The following GDAP1 variants were observed in gnomAD, a reference collection of about 807,000 sequenced individuals.
GDAP1 encodes the protein ganglioside-induced differentiation-associated protein 1.
GDAP1 carries 34 observed loss-of-function variants against 40.1 expected under a neutral mutation model. The ratio of observed to expected loss-of-function variants is 0.85; its 90% CI spans 0.64 to 1.13. The LOEUF is 1.13. Among genes scored for constraint, GDAP1 ranks in the 50% most tolerant of loss-of-function variants. The pLI is 0.00. For missense variants in GDAP1, 374 were observed against 433.7 expected (o/e 0.86, Z 1.22); for synonymous variants, 170 against 157.4 (o/e 1.08, Z -0.60).
At chr8:74,392,555 T>C (rs1028545563) in intron 2 of GDAP1, among the ~76,000 whole-genome samples, 9 of 152,234 alleles carry the variant, frequency 5.9e-5, no homozygotes, top group Non-Finnish European at 1.3e-4. Flanking sequence ...TATTTACTTT[T>C]ACCACATATT....
At chr8:74,352,708 A>G (rs566565761) in intron 2 of GDAP1, among the ~76,000 whole-genome samples, 1 of 152,336 alleles carries the variant, frequency 6.6e-6, no homozygotes, top group South Asian at 2.1e-4. Context: ...GCTATTCCTT[A>G]TAAATTTATA....
At chr8:74,368,901 A>G (rs182327880), downstream of GDAP1, among the ~76,000 whole-genome samples, 1 of 152,288 alleles carries the variant, frequency 6.6e-6, no homozygotes, top group East Asian at 1.9e-4. Context: ...ACAAATCAAA[A>G]TGTCTTTGGA....
At chr8:74,418,397 A>C (rs1805811830) in intron 2 of GDAP1, among the ~76,000 whole-genome samples, 1 of 152,224 alleles carries the variant, frequency 6.6e-6, no homozygotes, top group South Asian at 2.1e-4. Flanking sequence ...AAATATGGCC[A>C]ATTGATTTTT....
chr8:74,405,328 G>A (rs1805625261), intron 2 of GDAP1, among the ~76,000 whole-genome samples: 2 of 150,146 alleles, frequency 1.3e-5, no homozygotes, highest in Admixed American at 1.3e-4. Context: ...GTGAGATTTG[G>A]GTGGGGACAC....
chr8:74,371,669 AAAAG>A (rs1809753536), downstream of GDAP1, among the ~76,000 whole-genome samples: 2 of 152,224 alleles, frequency 1.3e-5, no homozygotes, highest in Non-Finnish European at 2.9e-5. Context: ...CAAAAAAAAA[AAAAG>A]AAAATATTTT....
intron 2 of GDAP1, among the ~76,000 whole-genome samples, chr8:74,424,076 T>C (rs1270756896): frequency 6.6e-6 from 1 of 152,140 alleles, no homozygotes; most frequent in Non-Finnish European, 1.5e-5. Flanking sequence ...GATACCAAAA[T>C]CTTTAGATGC....
intron 2 of GDAP1, among the ~76,000 whole-genome samples, chr8:74,433,160 C>T (rs1806048458): frequency 6.6e-6 from 1 of 152,212 alleles, no homozygotes; most frequent in Admixed American, 6.5e-5. Context: ...CTCAGAGGAG[C>T]CTTTCCTGAT....
intron 2 of GDAP1, among the ~76,000 whole-genome samples, chr8:74,447,205 G>A (rs928301643): frequency 6.6e-6 from 1 of 152,178 alleles, no homozygotes; most frequent in African/African-American, 2.4e-5. Context: ...ATTCTATAAT[G>A]CTCTTTTTAC....
Position 74,363,027 on chromosome 8 carries a change from T to A in GDAP1, c.668T>A (p.Leu223Ter), listed in dbSNP as rs769449440. The A allele has an allele frequency of 6.5e-7, 1 of 1,549,894 alleles. No individual in the cohort carries two copies. Among genetic ancestry groups the A allele is most frequent in the South Asian group, 1.1e-5 (1 of 89,678 alleles). ...GTCTTGGATCAGGTTGAAACTGAAT[T>A]GCAAAGAAGAAATGAAGAAACCCCA... is the stretch of plus-strand genomic sequence containing the variant. ...EKVLDQVETE[L>*]QRRNEETPEE... The change falls in exon 5 of 6, where the codon TTG becomes TAG. Residue 223 changes from leucine to a stop codon, truncating the protein, a stop_gained. Transcript: ENST00000220822. LOFTEE classifies it high-confidence loss of function.
downstream of GDAP1, chr8:74,367,178 A>G (rs942271936): frequency 9.2e-5 from 15 of 162,242 alleles, no homozygotes; most frequent in African/African-American, 3.6e-4. Flanking sequence ...ATGGGAGAGC[A>G]TGAAAATGAT....
chr8:74,426,438 C>T (rs1805948544), intron 2 of GDAP1, among the ~76,000 whole-genome samples: 1 of 152,190 alleles, frequency 6.6e-6, no homozygotes, highest in African/African-American at 2.4e-5. Context: ...TTTTAGGATC[C>T]AGTCCGGGAT....
At chr8:74,404,748 C>T (rs368709533) in intron 2 of GDAP1, among the ~76,000 whole-genome samples, 92 of 149,944 alleles carry the variant, frequency 6.1e-4, no homozygotes, top group South Asian at 1.2e-3. Context: ...TGTTATCTCT[C>T]CTTCCCATCT....
At chr8:74,385,722 C>T (rs1810015829) in intron 2 of GDAP1, among the ~76,000 whole-genome samples, 1 of 152,134 alleles carries the variant, frequency 6.6e-6, no homozygotes, top group Admixed American at 6.5e-5. Context: ...ATTGCTGGGT[C>T]AAATGGTATT....
chr8:74,428,870 CG>C (rs1805989614), intron 2 of GDAP1, among the ~76,000 whole-genome samples: 1 of 142,518 alleles, frequency 7.0e-6, no homozygotes, highest in Admixed American at 7.1e-5. Context: ...CCGCCTCCCC[CG>C]ACCCCACAAC....
intron 2 of GDAP1, among the ~76,000 whole-genome samples, chr8:74,481,814 G>C (rs1300934489): frequency 6.6e-6 from 1 of 152,132 alleles, no homozygotes; most frequent in Non-Finnish European, 1.5e-5. Context: ...GGGCTAAAAA[G>C]CTTGAAAACT....
At chr8:74,423,214 A>G (rs922637665) in intron 2 of GDAP1, among the ~76,000 whole-genome samples, 4 of 147,166 alleles carry the variant, frequency 2.7e-5, no homozygotes, top group Admixed American at 6.9e-5. Flanking sequence ...AATAGTATAT[A>G]TGTATACTAT....
At chr8:74,454,770 A>G (rs1281705537) in intron 2 of GDAP1, among the ~76,000 whole-genome samples, 1 of 152,078 alleles carries the variant, frequency 6.6e-6, no homozygotes, top group Non-Finnish European at 1.5e-5. Flanking sequence ...AATGCCAAAT[A>G]TAATGATACA....
intron 2 of GDAP1, among the ~76,000 whole-genome samples, chr8:74,474,729 A>G (rs924060804): frequency 6.6e-6 from 1 of 152,164 alleles, no homozygotes; most frequent in African/African-American, 2.4e-5. Flanking sequence ...ATCAATGTTC[A>G]TCAAGGATTT....
In GDAP1 at chr8:74,365,504, C is replaced by CT. The variant is rs1374466707; in HGVS notation, c.*1140dup. The CT allele has an allele frequency of 2.2e-6, 1 of 454,050 alleles. No individual in the cohort carries two copies. Among genetic ancestry groups the CT allele is most frequent in the Admixed American group, 2.3e-5 (1 of 42,560 alleles). The allele number at this position is 454,050 out of a possible 1,614,324, so 28.1% of individuals were successfully genotyped here. On this transcript the variant is annotated 3_prime_UTR_variant, in exon 6 of 6. Coordinates refer to ENST00000220822, the MANE Select transcript of GDAP1 (RefSeq NM_018972.4). ...CAAATGGTTTGTGCTCAGAAAAAGT[C>CT]TTTCATGGTGACAGGAAGACAGTTT...
Sources: gnomAD v4.1 joint callset for allele counts (sites outside exome capture counted in the v4.1 genomes callset) on GRCh38, gnomAD v4.1.1 for gene constraint, MANE v1.5 for transcripts, NCBI Gene and HGNC (gene_info 2026-07-23, HGNC 2026-07-21) for gene names.